The following KPNA2 variants were observed in gnomAD, a reference collection of about 807,000 sequenced individuals.
KPNA2 encodes importin subunit alpha-1.
Under a neutral mutation model 53.7 loss-of-function variants are expected in KPNA2, and 20 were observed. The ratio of observed to expected loss-of-function variants is 0.37; its 90% CI spans 0.26 to 0.54. The LOEUF is 0.54. Among genes scored for constraint, KPNA2 ranks in the 20% least tolerant of loss-of-function variants. KPNA2 has a pLI of 0.83. For missense variants in KPNA2, 515 were observed against 640.3 expected (o/e 0.80, Z 2.11); for synonymous variants, 238 against 227.5 (o/e 1.05, Z -0.42).
At chr17:68,040,997 C>T (rs2071253848) in intron 4 of KPNA2, among the ~76,000 whole-genome samples, 1 of 152,234 alleles carries the variant, frequency 6.6e-6, no homozygotes, top group South Asian at 2.1e-4. Context: ...TGACCTCAGC[C>T]TCCTGAAGTG....
intron 8 of KPNA2, 37 bp from the exon 9 acceptor site, chr17:68,044,284 C>G (rs138710933): frequency 0.014 from 21,699 of 1,559,052 alleles, 200 homozygotes; most frequent in Non-Finnish European, 0.017. Context: ...ATTTGTGCAA[C>G]TGTTCTGAAA....
At chr17:68,041,884 A>G (rs1555704604) in intron 4 of KPNA2, among the ~76,000 whole-genome samples, 1 of 152,310 alleles carries the variant, frequency 6.6e-6, no homozygotes, top group African/African-American at 2.4e-5. Context: ...GAAAAATGGT[A>G]GTTAATTATA....
chr17:68,045,827 G>C lies in KPNA2; in HGVS notation c.1403G>C (p.Gly468Ala), dbSNP rs1555705344. Residue 468 changes from glycine (G) to alanine (A), a missense_variant, in exon 10 of 11, where the codon GGA (glycine) becomes GCA (alanine). Coordinates refer to ENST00000330459, the MANE Select transcript of KPNA2 (RefSeq NM_002266.4). ...CTTAGTATAATGATTGAAGAATGTG[G>C]AGGCTTAGACAAAATTGAAGCTCTA... is the stretch of plus-strand genomic sequence containing the variant. ...EKLSIMIEECGGLDKIEALQN... is the reference protein window; with the variant it reads ...EKLSIMIEECAGLDKIEALQN... 2 of 1,606,036 alleles carry C rather than the reference G, an allele frequency of 1.2e-6. No homozygotes were observed. The highest frequency in any genetic ancestry group is 2.2e-5 in the South Asian group (2 of 90,114).
chr17:68,045,994 T>C (rs2071325392), intron 10 of KPNA2, 73 bp downstream of exon 10: 5 of 988,386 alleles, frequency 5.1e-6, no homozygotes, highest in South Asian at 2.4e-5. Context: ...TTTTTCCCTT[T>C]TAAAAATAAG....
intron 8 of KPNA2, 50 bp downstream of exon 8, chr17:68,044,121 G>A (rs781791964): frequency 6.7e-7 from 1 of 1,491,210 alleles, no homozygotes; most frequent in South Asian, 1.1e-5. Context: ...TTTATAGAAA[G>A]CTGTGCTTGA....
intron 3 of KPNA2, among the ~76,000 whole-genome samples, chr17:68,039,409 CTT>C: frequency 6.6e-6 from 1 of 152,002 alleles, no homozygotes; most frequent in Non-Finnish European, 1.5e-5. Flanking sequence ...GCGCGAGCCA[CTT>C]CGCCCAGCCA....
chr17:68,037,384 C>T lies in KPNA2; in HGVS notation c.102C>T (p.Val34=), dbSNP rs1568274602. ...STEMRRRRIE[V]NVELRKAKKD... is the part of the protein sequence containing the mutation. ...AAATGAGGCGTCGCAGAATAGAGGT[C>T]AATGTGGAGCTGAGGAAAGCTAAGA... The change falls in exon 3 of 11, where the codon GTC becomes GTT. Residue 34 remains valine (V), a synonymous_variant. Transcript: ENST00000330459. 6.2e-7 allele frequency: 1 copy of T among 1,613,894 alleles called. No individual in the cohort carries two copies. Among genetic ancestry groups the T allele is most frequent in the East Asian group, 2.2e-5 (1 of 44,878 alleles).
chr17:68,037,887 C>T (rs1395809752), intron 3 of KPNA2, among the ~76,000 whole-genome samples: 1 of 151,974 alleles, frequency 6.6e-6, no homozygotes, highest in Non-Finnish European at 1.5e-5. Context: ...CAACCTCTGC[C>T]TCATGGGTTC....
chr17:68,037,580 A>AT, intron 3 of KPNA2, 85 bp downstream of exon 3: 1 of 1,306,108 alleles, frequency 7.7e-7, no homozygotes, highest in South Asian at 1.3e-5. Flanking sequence ...TAAACTTAAC[A>AT]TTTCTAGTCT....
In KPNA2 at chr17:68,042,419, G is replaced by A. The variant is rs1221686747; in HGVS notation, c.571+66G>A. ...CGTAATTAGTTGGAAGAAAGGCCTT[G>A]TTATAAGTAATAGTGACTTTGTCAA... is the stretch of plus-strand genomic sequence containing the variant. On this transcript the variant is annotated intron_variant, in intron 5 of 10. Coordinates refer to ENST00000330459, the MANE Select transcript of KPNA2 (RefSeq NM_002266.4). The A allele has an allele frequency of 8.0e-6, 12 of 1,493,220 alleles. No individual in the cohort carries two copies. The African/African-American group carries it at 1.5e-4, about 19-fold the overall frequency. 92.5% of individuals were successfully genotyped at this position (1,493,220 alleles called of 1,614,324 possible). A position where few individuals can be genotyped will look rare whatever the true frequency, so the allele number is the denominator to read the frequency against.
chr17:68,040,956 G>A (rs528373248), intron 4 of KPNA2, among the ~76,000 whole-genome samples, 190 bp downstream of exon 4: 1 of 152,280 alleles, frequency 6.6e-6, no homozygotes, highest in African/African-American at 2.4e-5. Flanking sequence ...TGCCCAGGCT[G>A]GCCTGGAATG....
intron 3 of KPNA2, among the ~76,000 whole-genome samples, chr17:68,040,410 T>A (rs552029355): frequency 4.1e-4 from 63 of 152,168 alleles, no homozygotes; most frequent in African/African-American, 1.2e-3. Context: ...GTTCATTTTT[T>A]AAAATTGTTC....
rs1401641907 is a variant in KPNA2 at position 68,046,727 on chromosome 17, C to G, written c.*131C>G. ...TTTTTACACTGAAACTATACTTGAA[C>G]AGTTCCAACTGTACATACATACTGT... On this transcript the variant is annotated 3_prime_UTR_variant, in exon 11 of 11. Transcript: ENST00000330459. 1.2e-5 allele frequency: 8 copies of G among 652,674 alleles called. No homozygotes were observed. The highest frequency in any genetic ancestry group is 1.7e-5 in the Non-Finnish European group (6 of 361,220). 40.4% of individuals were successfully genotyped at this position (652,674 alleles called of 1,614,324 possible).
At chr17:68,044,178 T>C in intron 8 of KPNA2, 107 bp downstream of exon 8, 2 of 1,251,150 alleles carry the variant, frequency 1.6e-6, no homozygotes, top group Non-Finnish European at 1.2e-6. Context: ...AGGAGTCCTT[T>C]GCTGAACAAT....
chr17:68,043,172 G>A lies in KPNA2; in HGVS notation c.739G>A (p.Asp247Asn), dbSNP rs1244050579. ...CAACAAGAATCCTGCACCCCCGATA[G>A]ATGCTGTTGAGCAGATTCTTCCTAC... ...CRNKNPAPPIDAVEQILPTLV... is the reference protein window; with the variant it reads ...CRNKNPAPPINAVEQILPTLV... The change falls in exon 7 of 11, where the codon GAT (aspartate) becomes AAT (asparagine). Residue 247 changes from aspartate to asparagine, a missense_variant. Coordinates refer to ENST00000330459, the MANE Select transcript of KPNA2 (RefSeq NM_002266.4). 2 of 1,613,982 alleles carry A rather than the reference G, an allele frequency of 1.2e-6. No homozygotes were observed. The highest frequency in any genetic ancestry group is 1.7e-6 in the Non-Finnish European group (2 of 1,180,020).
intron 9 of KPNA2, 114 bp downstream of exon 9, chr17:68,044,617 G>C (rs1555705191): frequency 2.5e-5 from 20 of 804,994 alleles, no homozygotes; most frequent in South Asian, 2.3e-4. Flanking sequence ...CACAGAATCA[G>C]AAAGCCTGTT....
At position 68,040,727 on chromosome 17, in the gene KPNA2, G is replaced by C; in HGVS notation, c.263G>C (p.Ser88Thr). Residue 88 changes from serine (S) to threonine (T), a missense_variant, in exon 4 of 11, where the codon AGC becomes ACC. Transcript: ENST00000330459. ...VDDIVKGINS[S>T]NVENQLQATQ... ...GACATTGTCAAAGGCATAAATAGCAGCAATGTGGAAAATCAGCTCCAAGCT... is the reference window on the plus strand; with the variant it reads ...GACATTGTCAAAGGCATAAATAGCACCAATGTGGAAAATCAGCTCCAAGCT... 6.2e-7 allele frequency: 1 copy of C among 1,613,506 alleles called. No homozygotes were observed.
intron 9 of KPNA2, 49 bp downstream of exon 9, chr17:68,044,552 C>A: frequency 1.3e-6 from 2 of 1,495,880 alleles, no homozygotes; most frequent in Non-Finnish European, 1.9e-6. Flanking sequence ...TGATAATAAT[C>A]AGTTTACTAT....
At chr17:68,037,991 CTTT>C (rs1323571237) in intron 3 of KPNA2, among the ~76,000 whole-genome samples, 2 of 151,806 alleles carry the variant, frequency 1.3e-5, no homozygotes, top group Non-Finnish European at 2.9e-5. Context: ...GTTTTTGTTT[CTTT>C]GAGACAGAGT....
Sources: gnomAD v4.1 joint callset for allele counts (sites outside exome capture counted in the v4.1 genomes callset) on GRCh38, gnomAD v4.1.1 for gene constraint, MANE v1.5 for transcripts, NCBI Gene and HGNC (gene_info 2026-07-23, HGNC 2026-07-21) for gene names.